The following GLYATL1 variants were observed in gnomAD, a reference collection of about 807,000 sequenced individuals.
GLYATL1 encodes glycine-N-acyltransferase like 1, also known as glycine N-acyltransferase-like protein 1.
A neutral mutation model predicts 20.0 loss-of-function variants in GLYATL1; 15 were observed. The observed-to-expected ratio is 0.75, with a 90% confidence interval of 0.50 to 1.15. The LOEUF (loss-of-function observed/expected upper bound fraction) is 1.15, where lower values mean the gene tolerates loss of function less well. Among genes scored for constraint, GLYATL1 ranks in the 50% most tolerant of loss-of-function variants. GLYATL1 has a pLI of 0.00. For synonymous variants in GLYATL1, 151 were observed against 131.5 expected, an observed-to-expected ratio of 1.15 and a Z score of -1.01; for missense variants, 380 against 368.5, an observed-to-expected ratio of 1.03 and a Z score of -0.26.
At chr11:58,932,708 C>T (rs1053389854) in intron 1 of GLYATL1, among the ~76,000 whole-genome samples, 9 of 152,216 alleles carry the variant, frequency 5.9e-5, no homozygotes, top group Admixed American at 2.0e-4. Context: ...AGAACAAATT[C>T]AGCTGGATGT....
At chr11:58,920,518 A>C (rs930507403) in intron 1 of GLYATL1, among the ~76,000 whole-genome samples, 3 of 152,170 alleles carry the variant, frequency 2.0e-5, no homozygotes, top group African/African-American at 7.2e-5. Flanking sequence ...GAAACTGCTC[A>C]AATCAGTAAA....
upstream of GLYATL1, among the ~76,000 whole-genome samples, chr11:58,926,174 C>G (rs1382109702): frequency 2.6e-5 from 4 of 152,164 alleles, no homozygotes; most frequent in Non-Finnish European, 4.4e-5. Context: ...AGGGGACGTG[C>G]CTGTGAGCTG....
In GLYATL1 at chr11:58,955,817, C is replaced by T; in HGVS notation, c.699C>T (p.Tyr233=). The T allele has an allele frequency of 6.2e-7, 1 of 1,614,146 alleles. No homozygotes were observed. The highest frequency in any genetic ancestry group is 1.1e-5 in the South Asian group (1 of 91,080). ...MDPSCEVGMA[Y]SMEKYRRTGN... ...CTTCTTGTGAAGTAGGAATGGCCTACAGCATGGAAAAATACCGAAGGACAG... is the reference window on the plus strand; with the variant it reads ...CTTCTTGTGAAGTAGGAATGGCCTATAGCATGGAAAAATACCGAAGGACAG... The change falls in exon 7 of 7, where the codon TAC becomes TAT. Residue 233 remains tyrosine, a synonymous_variant. Coordinates refer to ENST00000532726, the MANE Select transcript of GLYATL1 (RefSeq NM_001389712.2).
At chr11:58,950,148 G>A (rs1378234330) in intron 4 of GLYATL1, among the ~76,000 whole-genome samples, 2 of 139,060 alleles carry the variant, frequency 1.4e-5, no homozygotes, top group South Asian at 2.3e-4. Context: ...AAAATTAGCC[G>A]GGCGTGGTGG....
rs199557152 is a variant in GLYATL1, at chr11:58,955,939, G to A, written c.821G>A (p.Arg274His). The A allele has an allele frequency of 2.8e-5, 45 of 1,614,150 alleles. 1 individual carries two copies. Among genetic ancestry groups the A allele is most frequent in the Admixed American group, 3.3e-5 (2 of 60,024 alleles). ...ISVLEENEDS[R>H]RFVGQFGFFE... ...GTGTTGGAAGAAAATGAAGACTCCC[G>A]CAGATTTGTGGGGCAGTTTGGTTTC... The change falls in exon 7 of 7, where the codon CGC (arginine) becomes CAC (histidine). Residue 274 changes from arginine (R) to histidine (H), a missense_variant. Transcript: ENST00000532726.
Position 58,949,780 on chromosome 11 carries a change from T to C in GLYATL1, c.186+1815T>C, listed in dbSNP as rs148669911. 5.1e-3 allele frequency among the ~76,000 whole-genome samples: 771 copies of C among 152,254 alleles called. 4 individuals are homozygous for C. Among genetic ancestry groups the C allele is most frequent in the Middle Eastern group, 0.027 (8 of 294 alleles). On this transcript the variant is annotated intron_variant, in intron 4 of 6. Transcript: ENST00000532726. ...ATAGCATACCATGTTTCTTTCAGTA[T>C]TGAAAGTCAATCTGATTTTGAATAA...
At chr11:58,912,788 G>A (rs895564797), downstream of GLYATL1, among the ~76,000 whole-genome samples, 2 of 152,214 alleles carry the variant, frequency 1.3e-5, no homozygotes, top group Admixed American at 1.3e-4. Flanking sequence ...TCCCACTTTA[G>A]GGACTGGGCA....
rs368695507 is a variant in GLYATL1 at position 58,946,960 on chromosome 11, G to A, written c.-42-86G>A. ...ATGATACTAACAGTACCTACATCAC[G>A]AGTGTTACTTGAATGGAGATGTATA... On this transcript the variant is annotated intron_variant, in intron 2 of 6. Transcript: ENST00000532726. 17 of 920,936 alleles carry A rather than the reference G, an allele frequency of 1.8e-5. 1 individual carries two copies. The highest frequency in any genetic ancestry group is 1.6e-4 in the South Asian group (12 of 76,374). 57.0% of individuals were successfully genotyped at this position (920,936 alleles called of 1,614,324 possible).
chr11:58,923,282 AAAAC>A (rs573326824), upstream of GLYATL1, among the ~76,000 whole-genome samples: 16 of 152,316 alleles, frequency 1.1e-4, 1 homozygote, highest in South Asian at 2.9e-3. Flanking sequence ...CTCTAGAGGG[AAAAC>A]AAACTACGTG....
At chr11:58,947,368 C>T (rs1212397981) in intron 3 of GLYATL1, 2 of 672,448 alleles carry the variant, frequency 3.0e-6, no homozygotes, top group South Asian at 4.4e-5. Flanking sequence ...CAGGTTTTGC[C>T]ACTCATTTGG....
intron 4 of GLYATL1, among the ~76,000 whole-genome samples, chr11:58,953,613 A>G (rs1348781785): frequency 1.3e-5 from 2 of 151,732 alleles, no homozygotes; most frequent in Admixed American, 1.3e-4. Flanking sequence ...GTTTACTTTG[A>G]TATTCTTTTA....
At chr11:58,933,665 T>A (rs1855699999) in intron 1 of GLYATL1, 1 of 152,242 alleles carries the variant, frequency 6.6e-6, no homozygotes, top group African/African-American at 2.4e-5. Flanking sequence ...TTTCTCTGAT[T>A]GTTCTTGATC....
chr11:58,926,465 C>G (rs1855430664), upstream of GLYATL1, among the ~76,000 whole-genome samples: 1 of 152,152 alleles, frequency 6.6e-6, no homozygotes, highest in South Asian at 2.1e-4. Context: ...CCAGAGTAAA[C>G]TTAATTGAGG....
At chr11:58,943,479 A>G (rs1468174942) in intron 1 of GLYATL1, 64 bp from the exon 2 acceptor site, 1 of 1,540,220 alleles carries the variant, frequency 6.5e-7, no homozygotes, top group African/African-American at 1.4e-5. Flanking sequence ...CCGGATTCAC[A>G]AATTGTTTGT....
upstream of GLYATL1, chr11:58,935,268 T>G (rs1358793361): frequency 1.3e-5 from 2 of 152,198 alleles, no homozygotes; most frequent in Admixed American, 1.3e-4. Flanking sequence ...AGCCTGGAGT[T>G]TCGGGCAATA....
chr11:58,931,493 T>G (rs1198477490), intron 1 of GLYATL1, among the ~76,000 whole-genome samples: 1 of 152,108 alleles, frequency 6.6e-6, no homozygotes, highest in African/African-American at 2.4e-5. Flanking sequence ...AATGAACAAT[T>G]CAGTCAGCAT....
intron 1 of GLYATL1, among the ~76,000 whole-genome samples, chr11:58,929,619 A>G (rs540741604): frequency 6.6e-6 from 1 of 152,246 alleles, no homozygotes; most frequent in Admixed American, 6.5e-5. Context: ...TCTAGGTCTG[A>G]CAGGAACAGC....
intron 1 of GLYATL1, among the ~76,000 whole-genome samples, chr11:58,922,147 C>A (rs1034962728): frequency 1.3e-5 from 2 of 152,194 alleles, no homozygotes; most frequent in Admixed American, 6.5e-5. Context: ...TGTGTATATG[C>A]CTGGGCATCA....
intron 1 of GLYATL1, among the ~76,000 whole-genome samples, chr11:58,918,763 T>C (rs1855239481): frequency 6.6e-6 from 1 of 152,250 alleles, no homozygotes; most frequent in Non-Finnish European, 1.5e-5. Context: ...CATAGACTAG[T>C]CAGCTTCCAG....
Sources: allele counts gnomAD v4.1 joint callset (sites outside exome capture counted in the v4.1 genomes callset), GRCh38; gene constraint gnomAD v4.1.1; transcripts MANE v1.5; gene names NCBI Gene and HGNC (gene_info 2026-07-23, HGNC 2026-07-21).